The following WWOX variants were observed in gnomAD, a reference collection of about 807,000 sequenced individuals.
WWOX encodes the protein WW domain containing oxidoreductase.
A neutral mutation model predicts 46.2 loss-of-function variants in WWOX; 69 were observed. That is an observed-to-expected ratio of 1.49 (90% confidence interval 1.23 to 1.82). WWOX has a LOEUF of 1.82. WWOX is among the 40% of genes most tolerant of loss of function. The probability of loss-of-function intolerance (pLI) is 0.00; values close to 1 mark genes in which losing one functional copy is unlikely to be tolerated. For synonymous variants in WWOX, 359 were observed against 202.6 expected, an observed-to-expected ratio of 1.77 and a Z score of -6.56; for missense variants, 919 against 542.6, an observed-to-expected ratio of 1.69 and a Z score of -6.89.
intron 6 of WWOX, among the ~76,000 whole-genome samples, chr16:78,394,837 C>G (rs1404737520): frequency 1.3e-5 from 2 of 152,212 alleles, no homozygotes; most frequent in African/African-American, 2.4e-5. Context: ...AACCTGTATG[C>G]CCTGGAGTAG....
At chr16:78,756,870 T>C in intron 8 of WWOX, 1 of 702,292 alleles carries the variant, frequency 1.4e-6, no homozygotes, top group East Asian at 2.7e-5. Flanking sequence ...CATCAGAGCA[T>C]GTGACTTACG....
At chr16:78,904,379 G>C (rs2044907607) in intron 8 of WWOX, among the ~76,000 whole-genome samples, 2 of 151,660 alleles carry the variant, frequency 1.3e-5, no homozygotes, top group East Asian at 3.9e-4. Context: ...GCTGGGACAA[G>C]AGGAGCACAC....
chr16:78,610,866 A>G lies in WWOX; in HGVS notation c.1056+178114A>G, dbSNP rs149048910. On this transcript the variant is annotated intron_variant, in intron 8 of 8. Transcript: ENST00000566780. ...ATTTACAAATGTGGCATTAAGTAGA[A>G]CAACGTATTCTTGCAATTAATGACA... is the stretch of plus-strand genomic sequence containing the variant. 9.2e-5 allele frequency among the ~76,000 whole-genome samples: 14 copies of G among 152,270 alleles called. No homozygotes were observed. The East Asian group carries it at 2.7e-3, about 29-fold the overall frequency.
rs3916000 is a variant in WWOX at position 78,686,902 on chromosome 16, T to C, written c.1056+254150T>C. Among the ~76,000 whole-genome samples, 198 of 152,342 alleles carry C rather than the reference T, an allele frequency of 1.3e-3. 1 individual carries two copies. Among genetic ancestry groups the C allele is most frequent in the Non-Finnish European group, 2.2e-3 (152 of 68,032 alleles). ...AAGGCATTTTTCTGTTGACTGTGCA[T>C]GAAGCCACATAGTAATAAACAGTTT... On this transcript the variant is annotated intron_variant, in intron 8 of 8. Transcript: ENST00000566780.
chr16:79,024,645 C>T (rs753028638), intron 8 of WWOX, among the ~76,000 whole-genome samples: 1 of 152,020 alleles, frequency 6.6e-6, no homozygotes, highest in African/African-American at 2.4e-5. Flanking sequence ...CCATGTTAGC[C>T]AGGATGGTCT....
chr16:78,112,862 G>A (rs2032576749), intron 3 of WWOX, among the ~76,000 whole-genome samples: 1 of 151,734 alleles, frequency 6.6e-6, no homozygotes, highest in Non-Finnish European at 1.5e-5. Flanking sequence ...GCCATGCCCA[G>A]CTAATTTTTA....
chr16:78,704,258 C>G (rs370137103), intron 8 of WWOX, among the ~76,000 whole-genome samples: 1 of 152,130 alleles, frequency 6.6e-6, no homozygotes, highest in East Asian at 1.9e-4. Flanking sequence ...ATGATCTCAA[C>G]TTGGATCCCA....
chr16:78,240,200 G>A (rs1262287667), intron 5 of WWOX, among the ~76,000 whole-genome samples: 4 of 152,032 alleles, frequency 2.6e-5, no homozygotes, highest in African/African-American at 7.2e-5. Flanking sequence ...GAAAGCAGGG[G>A]GCACAGTGGT....
intron 8 of WWOX, among the ~76,000 whole-genome samples, chr16:78,466,437 ATAAT>A (rs554852011): frequency 2.3e-3 from 354 of 152,242 alleles, no homozygotes; most frequent in African/African-American, 8.3e-3. Context: ...ACACTTTGAA[ATAAT>A]TTATGTTATG....
chr16:79,055,440 C>A (rs1457107776), intron 8 of WWOX, among the ~76,000 whole-genome samples: 1 of 152,110 alleles, frequency 6.6e-6, no homozygotes, highest in Admixed American at 6.6e-5. Context: ...TACCCTGAGA[C>A]TGCCATGTTG....
chr16:78,652,694 G>A (rs1030789514), intron 8 of WWOX, among the ~76,000 whole-genome samples: 9 of 152,034 alleles, frequency 5.9e-5, no homozygotes, highest in Admixed American at 5.2e-4. Flanking sequence ...TGGGGGCTGT[G>A]GAAAAGATGC....
At chr16:79,001,136 C>A (rs1187238311) in intron 8 of WWOX, among the ~76,000 whole-genome samples, 2 of 152,190 alleles carry the variant, frequency 1.3e-5, no homozygotes, top group Non-Finnish European at 2.9e-5. Flanking sequence ...ATCCAGGTGC[C>A]AGTCAGGGAG....
chr16:78,903,947 C>T (rs1468609968), intron 8 of WWOX, among the ~76,000 whole-genome samples: 1 of 152,132 alleles, frequency 6.6e-6, no homozygotes, highest in East Asian at 1.9e-4. Flanking sequence ...CCGGGCCAGC[C>T]ACACAGCGAA....
At chr16:78,501,193 C>CTCT (rs1567609023) in intron 8 of WWOX, among the ~76,000 whole-genome samples, 8,246 of 90,914 alleles carry the variant, frequency 0.091, 927 homozygotes, top group African/African-American at 0.25. Context: ...CTTTCTTTCT[C>CTCT]TTTTTTTTTT....
chr16:78,676,075 C>T (rs900921694), intron 8 of WWOX, among the ~76,000 whole-genome samples: 8 of 151,948 alleles, frequency 5.3e-5, no homozygotes, highest in Non-Finnish European at 7.4e-5. Flanking sequence ...GTAATCCAGA[C>T]GTTACTACTC....
In WWOX at chr16:78,713,963, A is replaced by G. The variant is rs76697846; in HGVS notation, c.1056+281211A>G. 9.8e-3 allele frequency among the ~76,000 whole-genome samples: 1,490 copies of G among 152,218 alleles called. 24 individuals carry two copies. The highest frequency in any genetic ancestry group is 0.034 in the African/African-American group (1,418 of 41,536). On this transcript the variant is annotated intron_variant, in intron 8 of 8. Coordinates refer to ENST00000566780, the MANE Select transcript of WWOX (RefSeq NM_016373.4). ...GTCTGTAGTCCTGGCTCTGTCTCCA[A>G]TTGGCTACGAGGGCTTGTGTGTACT...
At position 78,858,980 on chromosome 16, in the gene WWOX, A is replaced by G. The variant is rs187322231; in HGVS notation, c.1057-352628A>G. On this transcript the variant is annotated intron_variant, in intron 8 of 8. Coordinates refer to ENST00000566780, the MANE Select transcript of WWOX (RefSeq NM_016373.4). Reference sequence around the variant, plus strand: ...AGGTGTGAGCCACCACGGCTGGCCAATATCTACTAGTTTTGAAATTTAAAA... The same window carrying G: ...AGGTGTGAGCCACCACGGCTGGCCAGTATCTACTAGTTTTGAAATTTAAAA... 6.8e-3 allele frequency among the ~76,000 whole-genome samples: 912 copies of G among 134,430 alleles called. 19 individuals carry two copies. The highest frequency in any genetic ancestry group is 0.024 in the African/African-American group (839 of 35,610). The allele number at this position is 134,430 out of a possible 152,430, so 88.2% of individuals were successfully genotyped here.
At chr16:79,043,484 A>G in intron 8 of WWOX, among the ~76,000 whole-genome samples, 1 of 152,202 alleles carries the variant, frequency 6.6e-6, no homozygotes, top group East Asian at 1.9e-4. Flanking sequence ...TGCATTAGAT[A>G]AGTAAGTGGG....
intron 8 of WWOX, among the ~76,000 whole-genome samples, chr16:78,714,165 T>C (rs920106977): frequency 3.9e-5 from 6 of 152,338 alleles, no homozygotes; most frequent in East Asian, 3.9e-4. Flanking sequence ...TGTCATTTCT[T>C]CAACATATAT....
Sources: allele counts gnomAD v4.1 joint callset (sites outside exome capture counted in the v4.1 genomes callset), GRCh38; gene constraint gnomAD v4.1.1; transcripts MANE v1.5; gene names NCBI Gene and HGNC (gene_info 2026-07-23, HGNC 2026-07-21).